Variants in DIPK1C observed in about 807,000 individuals in gnomAD.
DIPK1C encodes divergent protein kinase domain 1C, also known as familial non-conventional Alzheimer's dementia.
Under a neutral mutation model 28.0 loss-of-function variants are expected in DIPK1C, and 33 were observed. That is an observed-to-expected ratio of 1.18 (90% CI 0.89 to 1.58). The LOEUF is 1.58. DIPK1C is among the 40% of genes most tolerant of loss of function. The probability of loss-of-function intolerance (pLI) is 0.00; values close to 1 mark genes in which losing one functional copy is unlikely to be tolerated. For missense variants in DIPK1C, 569 were observed against 568.5 expected (o/e 1.00, Z -0.01); for synonymous variants, 255 against 248.8 (o/e 1.02, Z -0.23).
intron 1 of DIPK1C, among the ~76,000 whole-genome samples, chr18:74,451,091 A>T (rs578180299): frequency 6.6e-6 from 1 of 152,196 alleles, no homozygotes; most frequent in South Asian, 2.1e-4. Flanking sequence ...CCTGGGGGAG[A>T]CGCCTCTGAG....
intron 3 of DIPK1C, among the ~76,000 whole-genome samples, chr18:74,437,457 C>A (rs762667864): frequency 6.6e-6 from 1 of 152,136 alleles, no homozygotes; most frequent in Non-Finnish European, 1.5e-5. Context: ...TGTTTTATAG[C>A]TCCTACAGCT....
intron 1 of DIPK1C, among the ~76,000 whole-genome samples, chr18:74,453,052 G>A (rs1986432800): frequency 6.6e-6 from 1 of 152,194 alleles, no homozygotes; most frequent in African/African-American, 2.4e-5. Flanking sequence ...GTGGATTTGT[G>A]CTTCTCATGG....
chr18:74,451,123 G>C (rs942650092), intron 1 of DIPK1C, among the ~76,000 whole-genome samples: 8 of 152,160 alleles, frequency 5.3e-5, no homozygotes, highest in Admixed American at 2.0e-4. Flanking sequence ...AAGCGAATTA[G>C]AAGTCTGCCT....
At chr18:74,463,023 C>A in the DIPK1C span, among the ~76,000 whole-genome samples, 1 of 152,172 alleles carries the variant, frequency 6.6e-6, no homozygotes, top group African/African-American at 2.4e-5. Flanking sequence ...CAAGAGCCTG[C>A]ACAAGAGGTG....
chr18:74,458,071 C>T (rs1185265180), upstream of DIPK1C: 2 of 152,334 alleles, frequency 1.3e-5, no homozygotes, highest in Non-Finnish European at 2.9e-5. Flanking sequence ...AGCAGGCATC[C>T]GTGTTCCCAT....
chr18:74,446,875 G>A lies in DIPK1C; in HGVS notation c.607C>T (p.Gln203Ter). Residue 203 changes from glutamine (Q) to a stop codon, truncating the protein, a stop_gained, in exon 2 of 4, where the codon CAG (glutamine) becomes TAG (stop). Coordinates refer to ENST00000343998, the MANE Select transcript of DIPK1C (RefSeq NM_001044369.3). LOFTEE classifies it high-confidence loss of function. Reference sequence around the variant, plus strand: ...GGCAGCACGTGTGGGCTCAGGTCCTGCAGCAGGCTGAAGTAGACGTACTCC... The same window carrying A: ...GGCAGCACGTGTGGGCTCAGGTCCTACAGCAGGCTGAAGTAGACGTACTCC... ...QEEYVYFSLL[Q>*]DLSPHVLPVL... is the part of the protein sequence containing the mutation. 6.6e-7 allele frequency: 1 copy of A among 1,519,994 alleles called. No homozygotes were observed. Among genetic ancestry groups the A allele is most frequent in the South Asian group, 1.2e-5 (1 of 80,496 alleles). 94.2% of individuals were successfully genotyped at this position (1,519,994 alleles called of 1,614,324 possible). A position where few individuals can be genotyped will look rare whatever the true frequency, so the allele number is the denominator to read the frequency against.
Position 74,436,715 on chromosome 18 carries a change from A to C in DIPK1C, c.1046T>G (p.Ile349Ser). The C allele has an allele frequency of 6.2e-7, 1 of 1,611,382 alleles. No individual in the cohort carries two copies. The highest frequency in any genetic ancestry group is 8.5e-7 in the Non-Finnish European group (1 of 1,178,660). Residue 349 changes from isoleucine to serine, a missense_variant, in exon 4 of 4, where the codon ATC (isoleucine) becomes AGC (serine). Ile to Ser is a moderately radical substitution (Grantham distance 142, BLOSUM62 -2). Transcript: ENST00000343998. ...AQRVNNNLQV[I>S]CDKIFRHWFS... ...CCAATGGCGAAATATTTTGTCACAG[A>C]TGACCTGAGGGAAAGAAGGGTGGAC...
At chr18:74,454,337 T>A (rs1986460023) in intron 1 of DIPK1C, among the ~76,000 whole-genome samples, 1 of 152,120 alleles carries the variant, frequency 6.6e-6, no homozygotes, top group Non-Finnish European at 1.5e-5. Context: ...CATGGAGACC[T>A]CTGACCCCCA....
intron 2 of DIPK1C, among the ~76,000 whole-genome samples, chr18:74,444,285 C>G (rs889311507): frequency 6.6e-6 from 1 of 152,184 alleles, no homozygotes; most frequent in African/African-American, 2.4e-5. Flanking sequence ...CATGAAGGTT[C>G]CTAGTTATTC....
intron 2 of DIPK1C, among the ~76,000 whole-genome samples, chr18:74,442,830 A>C (rs1986173651): frequency 1.3e-5 from 2 of 152,154 alleles, no homozygotes; most frequent in South Asian, 4.1e-4. Context: ...CTGCCTTATC[A>C]CTTGGGTCTG....
chr18:74,444,578 C>T (rs560085883), intron 2 of DIPK1C, among the ~76,000 whole-genome samples: 3 of 152,300 alleles, frequency 2.0e-5, no homozygotes, highest in Non-Finnish European at 2.9e-5. Flanking sequence ...ATAGGTCTGG[C>T]GTGGCATCTG....
At chr18:74,449,543 GC>G (rs1192239186) in intron 1 of DIPK1C, among the ~76,000 whole-genome samples, 2 of 152,210 alleles carry the variant, frequency 1.3e-5, no homozygotes, top group African/African-American at 4.8e-5. Flanking sequence ...CTGTCTGACT[GC>G]CCCCCTGGCT....
intron 1 of DIPK1C, among the ~76,000 whole-genome samples, chr18:74,455,766 A>G (rs1044304965): frequency 2.0e-5 from 3 of 151,736 alleles, no homozygotes; most frequent in Non-Finnish European, 4.4e-5. Context: ...AAACCAAACC[A>G]ACAACAACAA....
chr18:74,457,362 C>A (rs559703932), upstream of DIPK1C: 5 of 865,992 alleles, frequency 5.8e-6, no homozygotes, highest in South Asian at 5.1e-5. Flanking sequence ...GGAGGGGGAA[C>A]GGGGGAGGGG....
intron 1 of DIPK1C, among the ~76,000 whole-genome samples, chr18:74,448,879 C>T (rs367933440): frequency 5.9e-4 from 89 of 152,116 alleles, no homozygotes; most frequent in Admixed American, 3.9e-3. Context: ...GAGGCCGAGG[C>T]GGGCAGATCA....
In DIPK1C at chr18:74,446,804, G is replaced by A. The variant is rs993660637; in HGVS notation, c.678C>T (p.Ala226=). 15 of 1,488,816 alleles carry A rather than the reference G, an allele frequency of 1.0e-5. No individual in the cohort carries two copies. The highest frequency in any genetic ancestry group is 5.0e-5 in the East Asian group (2 of 40,176). The allele number at this position is 1,488,816 out of a possible 1,614,324, so 92.2% of individuals were successfully genotyped here. ...CGHFYAVEFL[A]AGSPHHRALF... is the part of the protein sequence containing the mutation. ...GTGCCCTGTGGTGGGGGCTGCCCGC[G>A]GCCAGGAACTCCACCGCGTAGAAGT... Residue 226 remains alanine (A), a synonymous_variant, in exon 2 of 4, where the codon GCC becomes GCT. Transcript: ENST00000343998.
intron 2 of DIPK1C, among the ~76,000 whole-genome samples, chr18:74,445,825 T>C (rs1295635849): frequency 1.3e-5 from 2 of 152,178 alleles, no homozygotes; most frequent in African/African-American, 2.4e-5. Flanking sequence ...TACTACTTCC[T>C]GTTGGATGGT....
Position 74,447,046 on chromosome 18 carries a change from C to G in DIPK1C, c.436G>C (p.Glu146Gln). 3.9e-6 allele frequency: 6 copies of G among 1,549,358 alleles called. No homozygotes were observed. Among genetic ancestry groups the G allele is most frequent in the Non-Finnish European group, 4.4e-6 (5 of 1,146,318 alleles). ...GEGGQDMPEAELLLMVAGEVK... is the reference protein window; with the variant it reads ...GEGGQDMPEAQLLLMVAGEVK... ...TCCCCAGCCACCATCAGGAGGAGTT[C>G]GGCCTCGGGCATGTCCTGGCCACCC... Residue 146 changes from glutamate to glutamine, a missense_variant, in exon 2 of 4, where the codon GAA (glutamate) becomes CAA (glutamine). Glu to Gln is a conservative substitution (Grantham distance 29, BLOSUM62 2). Coordinates refer to ENST00000343998, the MANE Select transcript of DIPK1C (RefSeq NM_001044369.3). The surrounding 1 kb of genome is among the most constrained non-coding windows in gnomAD (Gnocchi z 4.1).
Position 74,457,270 on chromosome 18 carries a change from GCCCGCGCCCGGGCCCCA to G in DIPK1C, c.-28_-12del, listed in dbSNP as rs1986538566. 1.0e-6 allele frequency: 1 copy of G among 988,016 alleles called. No homozygotes were observed. The highest frequency in any genetic ancestry group is 1.8e-5 in the African/African-American group (1 of 56,804). The allele number at this position is 988,016 out of a possible 1,614,324, so 61.2% of individuals were successfully genotyped here. A position where few individuals can be genotyped will look rare whatever the true frequency, so the allele number is the denominator to read the frequency against. On this transcript the variant is annotated 5_prime_UTR_variant, in exon 1 of 4. Transcript: ENST00000343998. The stretch of plus-strand genomic sequence containing the variant: ...CGCCGCCCGCGCCATGGCCAGCCCT[GCCCGCGCCCGGGCCCCA>G]CCGCCGCCCGCGCCCCGAGTTCCGC...
Sources: gnomAD v4.1 joint callset for allele counts (sites outside exome capture counted in the v4.1 genomes callset) on GRCh38, gnomAD v4.1.1 for gene constraint, Gnocchi (gnomAD v3.1) non-coding constraint, MANE v1.5 for transcripts, NCBI Gene and HGNC (gene_info 2026-07-23, HGNC 2026-07-21) for gene names.